Variants in PARP11 observed in about 807,000 individuals in gnomAD.
The protein encoded by PARP11 is poly(ADP-ribose) polymerase family member 11.
Under a neutral mutation model 42.9 loss-of-function variants are expected in PARP11, and 31 were observed. The ratio of observed to expected loss-of-function variants is 0.72; its 90% CI spans 0.54 to 0.98. The LOEUF (loss-of-function observed/expected upper bound fraction) is 0.98. Among genes scored for constraint, PARP11 ranks in the 50% least tolerant of loss-of-function variants. The pLI is 0.00. For missense variants in PARP11, 365 were observed against 413.1 expected (o/e 0.88, Z 1.01); for synonymous variants, 137 against 127.3 (o/e 1.08, Z -0.51).
At chr12:3,846,292 CAG>C in intron 1 of PARP11, among the ~76,000 whole-genome samples, 1 of 148,110 alleles carries the variant, frequency 6.8e-6, no homozygotes, top group East Asian at 2.0e-4. Context: ...AAAAGAAAAA[CAG>C]AGAACATCCA....
At chr12:3,814,280 C>A in intron 6 of PARP11, 92 bp from the exon 7 acceptor site, 2 of 976,094 alleles carry the variant, frequency 2.0e-6, no homozygotes, top group Non-Finnish European at 2.8e-6. Flanking sequence ...CAATAGAAAG[C>A]GTAAAACAGG....
chr12:3,828,984 T>C lies in PARP11; in HGVS notation c.194A>G (p.Lys65Arg). 1 of 1,614,100 alleles carries C rather than the reference T, an allele frequency of 6.2e-7. No individual in the cohort carries two copies. Among genetic ancestry groups the C allele is most frequent in the Admixed American group, 1.7e-5 (1 of 60,024 alleles). The change falls in exon 3 of 8, where the codon AAA becomes AGA. Residue 65 changes from lysine to arginine, a missense_variant. Physicochemically the swap from Lys to Arg is conservative, Grantham distance 26. Transcript: ENST00000228820. ...QCSVSSEDIEKSFKTNPCGSI... is the reference protein window; with the variant it reads ...QCSVSSEDIERSFKTNPCGSI... ...GCCACAAGGGTTTGTTTTGAAGCTT[T>C]TTTCGATATCTTCACTGCTAACTGA... is the stretch of plus-strand genomic sequence containing the variant.
intron 6 of PARP11, 33 bp downstream of exon 6, chr12:3,821,840 A>C (rs1947400770): frequency 6.3e-7 from 1 of 1,586,386 alleles, no homozygotes; most frequent in Non-Finnish European, 8.6e-7. Flanking sequence ...GACATAGTGG[A>C]AAGGAGAAGT....
intron 1 of PARP11, among the ~76,000 whole-genome samples, chr12:3,857,271 T>TATA (rs1281475906): frequency 6.6e-6 from 1 of 151,776 alleles, no homozygotes; most frequent in Non-Finnish European, 1.5e-5. Context: ...GAACTTAAAG[T>TATA]ATAATAATAA....
intron 3 of PARP11, among the ~76,000 whole-genome samples, chr12:3,826,546 G>T (rs1227930158): frequency 1.3e-5 from 2 of 152,120 alleles, no homozygotes; most frequent in Non-Finnish European, 2.9e-5. Context: ...CACTAAACTA[G>T]GAGAGTTCTA....
chr12:3,840,799 A>G lies in PARP11; in HGVS notation c.19-10781T>C. 1 of 1,584,626 alleles carries G rather than the reference A, an allele frequency of 6.3e-7. No homozygotes were observed. The highest frequency in any genetic ancestry group is 8.7e-7 in the Non-Finnish European group (1 of 1,153,154). On this transcript the variant is annotated intron_variant, in intron 1 of 7. Transcript: ENST00000228820. The surrounding 1 kb of genome is among the most constrained non-coding windows in gnomAD (Gnocchi z 4.4). ...GAATATTACTGATGATAAATATGCAACAGTTTCATCACCATCAAAGTCAAA... is the reference window on the plus strand; with the variant it reads ...GAATATTACTGATGATAAATATGCAGCAGTTTCATCACCATCAAAGTCAAA...
At position 3,810,663 on chromosome 12, in the gene PARP11, G is replaced by GAAGA. The variant is rs1947152761; in HGVS notation, c.*1459_*1460insTCTT. 1 of 134,246 alleles carries GAAGA rather than the reference G, an allele frequency of 7.4e-6. No homozygotes were observed. The highest frequency in any genetic ancestry group is 3.1e-5 in the African/African-American group (1 of 31,812). The allele number at this position is 134,246 out of a possible 1,614,324, so 8.3% of individuals were successfully genotyped here. A position where few individuals can be genotyped will look rare whatever the true frequency, so the allele number is the denominator to read the frequency against. On this transcript the variant is annotated 3_prime_UTR_variant, in exon 8 of 8. Transcript: ENST00000228820. ...GGAGGGAAAGAAGGAAGGAAGGAAG[G>GAAGA]AAGGAAGGAAGGAAGGAAGGAAAGA...
intron 1 of PARP11, chr12:3,839,644 A>G: frequency 2.0e-6 from 2 of 1,004,912 alleles, no homozygotes; most frequent in Non-Finnish European, 3.2e-6. Context: ...TATGTACAGG[A>G]AAGATTTTAT....
chr12:3,871,881 T>C (rs976788294), intron 1 of PARP11: 14 of 152,270 alleles, frequency 9.2e-5, no homozygotes, highest in Admixed American at 9.2e-4. Context: ...TCTCTCCCTC[T>C]GATCTCCTGC....
chr12:3,839,333 A>T (rs1451906865), intron 1 of PARP11: 1 of 1,528,738 alleles, frequency 6.5e-7, no homozygotes, highest in Non-Finnish European at 8.7e-7. Context: ...CCCGACGGCG[A>T]GGACCAGGGC....
At chr12:3,829,441 C>A (rs1338756943) in intron 2 of PARP11, among the ~76,000 whole-genome samples, 2 of 152,202 alleles carry the variant, frequency 1.3e-5, no homozygotes, top group Non-Finnish European at 1.5e-5. Flanking sequence ...TGACCCTTGA[C>A]AAATTATGTC....
intron 6 of PARP11, among the ~76,000 whole-genome samples, chr12:3,819,516 A>T (rs529098099): frequency 3.7e-4 from 56 of 152,086 alleles, no homozygotes; most frequent in African/African-American, 1.3e-3. Flanking sequence ...ATCAAAAATG[A>T]CTCCAGTCAT....
intron 1 of PARP11, chr12:3,839,780 G>C (rs1428365961): frequency 8.9e-7 from 1 of 1,129,870 alleles, no homozygotes; most frequent in Non-Finnish European, 1.4e-6. Context: ...TATAAAGAAA[G>C]CTCTGCTATG....
At chr12:3,835,153 A>G (rs2138057750) in intron 1 of PARP11, among the ~76,000 whole-genome samples, 1 of 152,286 alleles carries the variant, frequency 6.6e-6, no homozygotes, top group East Asian at 1.9e-4. Flanking sequence ...CCTGAACTAT[A>G]ATAGCAGCCA....
chr12:3,830,597 T>C (rs759304554), intron 1 of PARP11, among the ~76,000 whole-genome samples: 1 of 152,196 alleles, frequency 6.6e-6, no homozygotes, highest in Non-Finnish European at 1.5e-5. Flanking sequence ...AGTCTGGATG[T>C]ATATATAACA....
At position 3,840,485 on chromosome 12, in the gene PARP11, C is replaced by A; in HGVS notation, c.19-10467G>T. 6.2e-7 allele frequency: 1 copy of A among 1,612,938 alleles called. No individual in the cohort carries two copies. Among genetic ancestry groups the A allele is most frequent in the Non-Finnish European group, 8.5e-7 (1 of 1,178,868 alleles). On this transcript the variant is annotated intron_variant, in intron 1 of 7. Coordinates refer to ENST00000228820, the MANE Select transcript of PARP11 (RefSeq NM_020367.6). This position sits in a 1 kb window ranked among gnomAD's most constrained non-coding sequence, Gnocchi z 4.4. ...AGACAACGTGAGTTCTCTAGTCATTCTTCAGGGTCACAGTCTCAGAAATTC... is the reference window on the plus strand; with the variant it reads ...AGACAACGTGAGTTCTCTAGTCATTATTCAGGGTCACAGTCTCAGAAATTC...
At chr12:3,838,461 GAGA>G (rs1276811476) in intron 1 of PARP11, among the ~76,000 whole-genome samples, 2 of 152,036 alleles carry the variant, frequency 1.3e-5, no homozygotes, top group African/African-American at 4.8e-5. Context: ...AGTACTAAAA[GAGA>G]AGTTTATAGC....
chr12:3,813,729 C>G (rs1947228499), intron 7 of PARP11, among the ~76,000 whole-genome samples: 1 of 152,208 alleles, frequency 6.6e-6, no homozygotes, highest in African/African-American at 2.4e-5. Context: ...CCCCTCACCT[C>G]TCTCCTTAAT....
At chr12:3,842,031 C>T in intron 1 of PARP11, 1 of 1,611,440 alleles carries the variant, frequency 6.2e-7, no homozygotes, top group Non-Finnish European at 8.5e-7. Context: ...TGGCTTCCAT[C>T]CCTCCTGTAG....
Sources: gnomAD v4.1 joint callset for allele counts (sites outside exome capture counted in the v4.1 genomes callset) on GRCh38, gnomAD v4.1.1 for gene constraint, Gnocchi (gnomAD v3.1) non-coding constraint, MANE v1.5 for transcripts, NCBI Gene and HGNC (gene_info 2026-07-23, HGNC 2026-07-21) for gene names.